PLA2G2A: variants seen among roughly 807,000 people sequenced by gnomAD.
PLA2G2A encodes the protein phospholipase A2 group IIA, also known as phospholipase A2, membrane associated.
A neutral mutation model predicts 11.2 loss-of-function variants in PLA2G2A; 6 were observed. The observed-to-expected ratio is 0.54, with a 90% CI of 0.29 to 1.06. The LOEUF (loss-of-function observed/expected upper bound fraction) is 1.06. Ranked by LOEUF, PLA2G2A falls within the 50% of genes least tolerant of loss-of-function variation. The probability of loss-of-function intolerance (pLI) is 0.08; values close to 1 mark genes in which losing one functional copy is unlikely to be tolerated. For missense variants in PLA2G2A, 133 were observed against 177.1 expected, an observed-to-expected ratio of 0.75 and a Z score of 1.41; for synonymous variants, 69 against 65.8, an observed-to-expected ratio of 1.05 and a Z score of -0.23.
chr1:19,978,794 A>C (rs1482545538), exon 2 of PLA2G2A: 3 of 1,613,670 alleles, frequency 1.9e-6, no homozygotes, highest in African/African-American at 2.7e-5. Flanking sequence ...CTTGGGTGAC[A>C]AATGCAGATG....
At chr1:19,978,685 C>G in intron 2 of PLA2G2A, 49 bp downstream of exon 2, 1 of 1,608,580 alleles carries the variant, frequency 6.2e-7, no homozygotes, top group South Asian at 1.1e-5. Context: ...AAGAGTGCTT[C>G]CCTTCTGGGG....
In PLA2G2A at chr1:19,975,873, G is replaced by A. The variant is rs185365913; in HGVS notation, c.293-30C>T. ...AATCATAAGAAAATAAACACAAGAT[G>A]GGAGTTTATTAATATTCAGTGGCTT... On this transcript the variant is annotated intron_variant, in intron 4 of 4. Coordinates refer to ENST00000482011, the Ensembl canonical transcript of PLA2G2A. 166 of 1,603,592 alleles carry A rather than the reference G, an allele frequency of 1.0e-4. No homozygotes were observed. In the African/African-American group the frequency reaches 1.9e-3, roughly 19 times the overall value.
intron 2 of PLA2G2A, 70 bp from the exon 3 acceptor site, chr1:19,978,594 C>T (rs1452616012): frequency 5.6e-6 from 9 of 1,604,506 alleles, no homozygotes; most frequent in Admixed American, 3.3e-5. Context: ...CTGCCCCTCT[C>T]TGCTACTCTC....
At chr1:19,978,035 G>A (rs1320028577) in exon 4 of PLA2G2A, 7 of 1,609,654 alleles carry the variant, frequency 4.3e-6, no homozygotes, top group Admixed American at 3.3e-5. Context: ...TCTGCTCCCC[G>A]AGTTGCTAAA....
intron 4 of PLA2G2A, among the ~76,000 whole-genome samples, chr1:19,976,876 G>A (rs879798725): frequency 4.6e-5 from 7 of 152,164 alleles, no homozygotes; most frequent in South Asian, 2.1e-4. Context: ...TCCCTCATGC[G>A]TTTCTGCCTC....
chr1:19,975,788 G>C, exon 5 of PLA2G2A: 1 of 1,613,652 alleles, frequency 6.2e-7, no homozygotes, highest in Non-Finnish European at 8.5e-7. Context: ...TAGCAAAACA[G>C]GTGGCAGCAG....
chr1:19,979,439 C>T (rs2046272412), intron 1 of PLA2G2A, 141 bp downstream of exon 1: 1 of 158,714 alleles, frequency 6.3e-6, no homozygotes, highest in Non-Finnish European at 1.4e-5. Flanking sequence ...CACTCACATA[C>T]TCACTCAACA....
intron 4 of PLA2G2A, 79 bp downstream of exon 4, chr1:19,977,936 T>C (rs1423773039): frequency 2.7e-5 from 24 of 876,156 alleles, no homozygotes; most frequent in Non-Finnish European, 4.7e-5. Flanking sequence ...TCCCTCTGTG[T>C]CTATCTTTGG....
chr1:19,976,140 T>C (rs1176304110), intron 4 of PLA2G2A, among the ~76,000 whole-genome samples: 1 of 152,196 alleles, frequency 6.6e-6, no homozygotes, highest in African/African-American at 2.4e-5. Flanking sequence ...AGCCCTAGCC[T>C]CGGGGGTCTG....
chr1:19,978,169 G>A (rs1202474647), intron 3 of PLA2G2A, 48 bp from the exon 4 acceptor site: 8 of 1,429,720 alleles, frequency 5.6e-6, no homozygotes, highest in Non-Finnish European at 7.9e-6. Context: ...GCTCCAGGAG[G>A]CCTGGTGCCT....
exon 3 of PLA2G2A, chr1:19,978,459 C>G: frequency 6.2e-7 from 1 of 1,613,950 alleles, no homozygotes; most frequent in Non-Finnish European, 8.5e-7. Flanking sequence ...AGTGCGGCTT[C>G]CTTTCCTGTC....
chr1:19,978,979 A>G (rs1025147327), intron 1 of PLA2G2A, 100 bp from the exon 2 acceptor site: 57 of 368,012 alleles, frequency 1.5e-4, no homozygotes, highest in East Asian at 5.2e-4. Context: ...CAATGCACAC[A>G]CACACACACA....
intron 4 of PLA2G2A, among the ~76,000 whole-genome samples, chr1:19,977,397 T>C (rs953920016): frequency 2.0e-5 from 3 of 152,240 alleles, no homozygotes; most frequent in Non-Finnish European, 4.4e-5. Flanking sequence ...CTCCATTGTT[T>C]TATGTCAAGA....
At chr1:19,979,763 C>T (rs1411257572), upstream of PLA2G2A, 4 of 152,334 alleles carry the variant, frequency 2.6e-5, no homozygotes, top group East Asian at 7.6e-4. Flanking sequence ...CTTTCCTTCC[C>T]CTCATCAGCT....
chr1:19,978,356 G>A (rs1397239172), intron 3 of PLA2G2A, 24 bp downstream of exon 3: 3 of 1,609,842 alleles, frequency 1.9e-6, no homozygotes, highest in Admixed American at 1.7e-5. Flanking sequence ...GTCTAGGAGG[G>A]TAGGGAGGGA....
exon 4 of PLA2G2A, chr1:19,978,018 A>G: frequency 1.9e-6 from 3 of 1,585,888 alleles, no homozygotes; most frequent in Non-Finnish European, 2.6e-6. Flanking sequence ...CTCTTACCAC[A>G]GGTGATTCTG....
chr1:19,978,962 C>G, intron 1 of PLA2G2A, 83 bp from the exon 2 acceptor site: 1 of 624,690 alleles, frequency 1.6e-6, no homozygotes, highest in Non-Finnish European at 2.9e-6. Flanking sequence ...CAAGGAGTGC[C>G]CTCCAGCAAT....
intron 1 of PLA2G2A, chr1:19,979,084 A>T (rs773429597): frequency 4.3e-6 from 2 of 465,970 alleles, no homozygotes; most frequent in African/African-American, 4.0e-5. Flanking sequence ...CCCATGATAC[A>T]CTAATGAGAC....
At chr1:19,977,727 G>A (rs2100414150) in intron 4 of PLA2G2A, among the ~76,000 whole-genome samples, 1 of 152,304 alleles carries the variant, frequency 6.6e-6, no homozygotes, top group Non-Finnish European at 1.5e-5. Context: ...TTCTGGGAAT[G>A]CTCCCTCCTC....
Sources: allele counts gnomAD v4.1 joint callset (sites outside exome capture counted in the v4.1 genomes callset), GRCh38; gene constraint gnomAD v4.1.1; transcripts MANE v1.5; gene names NCBI Gene and HGNC (gene_info 2026-07-23, HGNC 2026-07-21).